The following CLDN14 variants were observed in gnomAD, a reference collection of about 807,000 sequenced individuals.
The protein encoded by CLDN14 is claudin 14, also known as claudin-14.
In CLDN14, 2 loss-of-function variants were observed where a neutral mutation model predicts 2.1. The observed-to-expected ratio is 0.96, with a 90% CI of 0.39 to 3.01. The LOEUF (loss-of-function observed/expected upper bound fraction) is 3.01. Among genes scored for constraint, CLDN14 ranks in the 30% most tolerant of loss-of-function variants. CLDN14 has a pLI of 0.09. For synonymous variants in CLDN14, 136 were observed against 154.4 expected, an observed-to-expected ratio of 0.88 and a Z score of 0.88; for missense variants, 298 against 328.0, an observed-to-expected ratio of 0.91 and a Z score of 0.71.
intron 1 of CLDN14, among the ~76,000 whole-genome samples, chr21:36,466,667 G>A (rs1233318447): frequency 6.6e-6 from 1 of 152,088 alleles, no homozygotes; most frequent in African/African-American, 2.4e-5. Flanking sequence ...ATATCATTCT[G>A]CCCTGGCCCC....
chr21:36,526,010 G>A (rs976879530), intron 1 of CLDN14, among the ~76,000 whole-genome samples: 3 of 152,084 alleles, frequency 2.0e-5, no homozygotes, highest in South Asian at 2.1e-4. Flanking sequence ...CAGCCTCTGC[G>A]CTCTGACTTT....
upstream of CLDN14, among the ~76,000 whole-genome samples, chr21:36,484,119 G>A (rs1044415017): frequency 1.3e-5 from 2 of 152,166 alleles, no homozygotes; most frequent in African/African-American, 2.4e-5. Context: ...ATTTAGAACC[G>A]TAGGCCTTGG....
At chr21:36,516,124 G>A (rs1049395200) in intron 1 of CLDN14, among the ~76,000 whole-genome samples, 4 of 152,170 alleles carry the variant, frequency 2.6e-5, no homozygotes, top group African/African-American at 7.2e-5. Flanking sequence ...GGGAATCAAA[G>A]TTCTCCCAGC....
chr21:36,542,528 T>C (rs1179918483), intron 1 of CLDN14: 2 of 152,352 alleles, frequency 1.3e-5, no homozygotes, highest in African/African-American at 4.8e-5. Flanking sequence ...GTCCCGAGGC[T>C]GGCAGTGAAA....
chr21:36,563,065 C>T (rs998836331), intron 1 of CLDN14, among the ~76,000 whole-genome samples: 13 of 147,640 alleles, frequency 8.8e-5, no homozygotes, highest in Non-Finnish European at 1.6e-4. Context: ...TCATGAAGAC[C>T]TCTGTGTTTT....
At chr21:36,513,565 A>G (rs936720248) in intron 1 of CLDN14, among the ~76,000 whole-genome samples, 1 of 152,138 alleles carries the variant, frequency 6.6e-6, no homozygotes, top group Non-Finnish European at 1.5e-5. Flanking sequence ...CAGTCACAGG[A>G]AGCCCTGTTT....
At chr21:36,512,013 C>T (rs2087190620) in intron 1 of CLDN14, among the ~76,000 whole-genome samples, 1 of 152,180 alleles carries the variant, frequency 6.6e-6, no homozygotes, top group South Asian at 2.1e-4. Context: ...CCTGTGAATA[C>T]CATTAGTAGC....
At chr21:36,570,060 A>T (rs1431337809) in intron 1 of CLDN14, among the ~76,000 whole-genome samples, 1 of 152,220 alleles carries the variant, frequency 6.6e-6, no homozygotes, top group Non-Finnish European at 1.5e-5. Flanking sequence ...TATTAATACC[A>T]GTAAGACGTA....
rs766686936 is a variant in CLDN14 at position 36,551,837 on chromosome 21, C to T, written c.-220+24574G>A. ...GCAACTCATTGCAACTGCTCCTGTC[C>T]TGTCGGTCGAGAGGAGAGTGCAGCA... On this transcript the variant is annotated intron_variant, in intron 1 of 2. Transcript: ENST00000342108. This position sits in a 1 kb window ranked among gnomAD's most constrained non-coding sequence, Gnocchi z 4.8. Among the ~76,000 whole-genome samples, 7 of 152,174 alleles carry T rather than the reference C, an allele frequency of 4.6e-5. No homozygotes were observed. Among genetic ancestry groups the T allele is most frequent in the Non-Finnish European group, 8.8e-5 (6 of 68,036 alleles).
intron 1 of CLDN14, among the ~76,000 whole-genome samples, chr21:36,567,698 C>A: frequency 6.6e-6 from 1 of 152,216 alleles, no homozygotes. Context: ...TTTGGCTGTT[C>A]TTCATATGCA....
intron 1 of CLDN14, among the ~76,000 whole-genome samples, chr21:36,518,043 C>T (rs1450342753): frequency 6.7e-6 from 1 of 150,136 alleles, no homozygotes; most frequent in Non-Finnish European, 1.5e-5. Context: ...CATGTCAATT[C>T]CGTAAAATAA....
intron 2 of CLDN14, among the ~76,000 whole-genome samples, chr21:36,504,165 C>T (rs1167384636): frequency 6.6e-6 from 1 of 150,614 alleles, no homozygotes; most frequent in Non-Finnish European, 1.5e-5. Flanking sequence ...ATAGCAAAAT[C>T]CCATCTATAT....
In CLDN14 at chr21:36,499,132, G is replaced by A. The variant is rs953139511; in HGVS notation, c.-82+11231C>T. ...AGAGAGATGATATCATTGACCACAG[G>A]ACTCAAGAAATAAGCCCAGAGCACA... On this transcript the variant is annotated intron_variant, in intron 2 of 2. Coordinates refer to the CLDN14 transcript ENST00000342108. The surrounding 1 kb of genome is among the most constrained non-coding windows in gnomAD (Gnocchi z 4.7). Among the ~76,000 whole-genome samples the A allele has an allele frequency of 6.6e-6, 1 of 152,192 alleles. No individual in the cohort carries two copies. Among genetic ancestry groups the A allele is most frequent in the Admixed American group, 6.5e-5 (1 of 15,280 alleles).
intron 1 of CLDN14, among the ~76,000 whole-genome samples, chr21:36,511,137 C>T (rs1210099037): frequency 1.3e-5 from 2 of 152,174 alleles, no homozygotes; most frequent in East Asian, 1.9e-4. Context: ...CGGGGAGCCT[C>T]CAACCCCAAC....
intron 1 of CLDN14, among the ~76,000 whole-genome samples, chr21:36,561,845 T>C (rs962664741): frequency 6.6e-6 from 1 of 152,116 alleles, no homozygotes; most frequent in Non-Finnish European, 1.5e-5. Context: ...CTCCCTCCTT[T>C]TTTTCTGGAT....
chr21:36,533,453 C>G (rs2087397516), intron 1 of CLDN14, among the ~76,000 whole-genome samples: 1 of 152,240 alleles, frequency 6.6e-6, no homozygotes. Context: ...AACTCAGTTT[C>G]TGTGTCCAGC....
intron 1 of CLDN14, among the ~76,000 whole-genome samples, chr21:36,526,929 G>A (rs568213448): frequency 2.0e-4 from 31 of 152,324 alleles, no homozygotes; most frequent in Non-Finnish European, 4.1e-4. Flanking sequence ...GATGTTGAAT[G>A]GCAAAATCTC....
chr21:36,568,789 CAT>C (rs1445242472), intron 1 of CLDN14, among the ~76,000 whole-genome samples: 1 of 152,234 alleles, frequency 6.6e-6, no homozygotes, highest in Non-Finnish European at 1.5e-5. Context: ...AGACACGCCA[CAT>C]ATGCCTTTCA....
rs530277457 is a variant in CLDN14 at position 36,575,802 on chromosome 21, C to T, written c.-220+609G>A. Among the ~76,000 whole-genome samples the T allele has an allele frequency of 1.6e-3, 249 of 152,172 alleles. 1 individual carries two copies. The highest frequency in any genetic ancestry group is 2.6e-3 in the Non-Finnish European group (176 of 68,036). Reference sequence around the variant, plus strand: ...TCACTGAACTACCTAGAGGAAGAAGCCTTCTTGCTTTTGGGGCATAAATAA... The same window carrying T: ...TCACTGAACTACCTAGAGGAAGAAGTCTTCTTGCTTTTGGGGCATAAATAA... On this transcript the variant is annotated intron_variant, in intron 1 of 2. Coordinates refer to the CLDN14 transcript ENST00000342108.
Sources: allele counts gnomAD v4.1 joint callset (sites outside exome capture counted in the v4.1 genomes callset), GRCh38; gene constraint gnomAD v4.1.1; non-coding constraint Gnocchi (gnomAD v3.1); transcripts MANE v1.5; gene names NCBI Gene and HGNC (gene_info 2026-07-23, HGNC 2026-07-21).